SKAP2: variants seen among roughly 807,000 people sequenced by gnomAD.
The protein encoded by SKAP2 is src kinase associated phosphoprotein 2.
In SKAP2, 28 loss-of-function variants were observed where a neutral mutation model predicts 54.9. The observed-to-expected ratio is 0.51, with a 90% CI of 0.38 to 0.70. SKAP2 has a LOEUF of 0.70. SKAP2 is among the 30% of genes least tolerant of loss of function. The pLI is 0.00. For synonymous variants in SKAP2, 137 were observed against 134.3 expected (o/e 1.02, Z -0.14); for missense variants, 356 against 424.1 (o/e 0.84, Z 1.41).
chr7:26,718,682 T>A (rs988144377), intron 9 of SKAP2, among the ~76,000 whole-genome samples: 1 of 151,950 alleles, frequency 6.6e-6, no homozygotes, highest in Admixed American at 6.5e-5. Flanking sequence ...ATTTTTGTAT[T>A]TTTAGTAGAG....
intron 4 of SKAP2, among the ~76,000 whole-genome samples, chr7:26,835,131 G>A (rs534103160): frequency 7.1e-4 from 108 of 152,198 alleles, no homozygotes; most frequent in African/African-American, 2.6e-3. Flanking sequence ...AAAGGCCTTC[G>A]ATAAAATTCA....
intron 3 of SKAP2, 113 bp downstream of exon 3, chr7:26,854,024 C>T (rs1785105903): frequency 5.7e-6 from 4 of 705,402 alleles, no homozygotes; most frequent in African/African-American, 1.9e-5. Flanking sequence ...GTACACATTA[C>T]GGAAATCTAA....
intron 3 of SKAP2, among the ~76,000 whole-genome samples, chr7:26,846,648 G>C (rs923547138): frequency 5.3e-5 from 8 of 152,138 alleles, no homozygotes; most frequent in Non-Finnish European, 8.8e-5. Flanking sequence ...TGAAAGTCAT[G>C]GTTTTGACTT....
At chr7:26,784,968 G>C (rs1333673046) in intron 4 of SKAP2, among the ~76,000 whole-genome samples, 1 of 152,164 alleles carries the variant, frequency 6.6e-6, no homozygotes, top group Non-Finnish European at 1.5e-5. Context: ...TAAGATCTAA[G>C]TGGTGGATAA....
intron 9 of SKAP2, among the ~76,000 whole-genome samples, chr7:26,713,982 G>T (rs1357292145): frequency 6.6e-6 from 1 of 152,200 alleles, no homozygotes; most frequent in Non-Finnish European, 1.5e-5. Context: ...CAAGACAAAA[G>T]CGGTGGTAAG....
intron 1 of SKAP2, among the ~76,000 whole-genome samples, chr7:26,859,383 C>T (rs10280476): frequency 0.039 from 5,898 of 152,054 alleles, 366 homozygotes; most frequent in African/African-American, 0.13. Flanking sequence ...ATCAACAGAG[C>T]CAAATGCCCA....
At chr7:26,799,113 G>GGC (rs1783851049) in intron 4 of SKAP2, among the ~76,000 whole-genome samples, 3 of 141,432 alleles carry the variant, frequency 2.1e-5, no homozygotes, top group Non-Finnish European at 4.8e-5. Context: ...GGCAAGGCAA[G>GGC]ACAAGGCAAG....
intron 6 of SKAP2, among the ~76,000 whole-genome samples, chr7:26,733,664 T>G (rs1415761755): frequency 1.3e-5 from 2 of 152,124 alleles, no homozygotes; most frequent in Non-Finnish European, 2.9e-5. Flanking sequence ...GGGAGGTAAA[T>G]TTCAATGAAA....
At chr7:26,801,639 G>C (rs1221949672) in intron 4 of SKAP2, among the ~76,000 whole-genome samples, 1 of 152,118 alleles carries the variant, frequency 6.6e-6, no homozygotes, top group Non-Finnish European at 1.5e-5. Flanking sequence ...TACTAGAACT[G>C]AGAAACAAAT....
At chr7:26,706,601 GTTTC>G (rs1309471709) in intron 9 of SKAP2, among the ~76,000 whole-genome samples, 2 of 152,144 alleles carry the variant, frequency 1.3e-5, no homozygotes, top group Non-Finnish European at 1.5e-5. Context: ...CAGATGACAA[GTTTC>G]TTTGAGATGA....
At chr7:26,769,671 C>G (rs1431165632) in intron 4 of SKAP2, among the ~76,000 whole-genome samples, 2 of 152,090 alleles carry the variant, frequency 1.3e-5, no homozygotes, top group African/African-American at 4.8e-5. Flanking sequence ...ATGTTGAAGC[C>G]ATTGCTTTCT....
chr7:26,849,396 GT>G (rs1354241733), intron 3 of SKAP2, among the ~76,000 whole-genome samples: 3 of 151,842 alleles, frequency 2.0e-5, no homozygotes, highest in Non-Finnish European at 4.4e-5. Flanking sequence ...TTTCAAAACT[GT>G]AGACACTAGG....
intron 11 of SKAP2, among the ~76,000 whole-genome samples, chr7:26,681,707 T>A (rs1237939884): frequency 6.6e-6 from 1 of 152,180 alleles, no homozygotes; most frequent in East Asian, 1.9e-4. Flanking sequence ...TTTTAAATGG[T>A]CTTATTTATT....
At chr7:26,797,306 G>A (rs958822384) in intron 4 of SKAP2, among the ~76,000 whole-genome samples, 3 of 152,318 alleles carry the variant, frequency 2.0e-5, no homozygotes, top group South Asian at 2.1e-4. Context: ...AGTGGTGGCC[G>A]CCACGGGGGT....
rs1393036763 is a variant in SKAP2 at position 26,668,611 on chromosome 7, T to C, written c.*1055A>G. The C allele has an allele frequency of 6.6e-6, 1 of 151,304 alleles. No homozygotes were observed. The highest frequency in any genetic ancestry group is 2.4e-5 in the African/African-American group (1 of 41,186). 9.4% of individuals were successfully genotyped at this position (151,304 alleles called of 1,614,324 possible). Reference sequence around the variant, plus strand: ...TAAATAGTATAGCAATAAGGCAAGATAAGAGAGTGCTTGGTTATGCCTTTT... The same window carrying C: ...TAAATAGTATAGCAATAAGGCAAGACAAGAGAGTGCTTGGTTATGCCTTTT... On this transcript the variant is annotated 3_prime_UTR_variant, in exon 13 of 13. Transcript: ENST00000345317.
chr7:26,743,490 A>C (rs1782499120), intron 4 of SKAP2, among the ~76,000 whole-genome samples: 1 of 152,166 alleles, frequency 6.6e-6, no homozygotes, highest in African/African-American at 2.4e-5. Context: ...AAAGTGGTTA[A>C]TGAAAAAAGT....
At chr7:26,684,695 T>C (rs1584329227) in intron 11 of SKAP2, 41 bp downstream of exon 11, 1 of 1,272,158 alleles carries the variant, frequency 7.9e-7, no homozygotes, top group South Asian at 1.2e-5. Flanking sequence ...TCGAGCTTTG[T>C]ATTCCCTCTT....
At chr7:26,709,769 T>C (rs1277916659) in intron 9 of SKAP2, among the ~76,000 whole-genome samples, 1 of 152,178 alleles carries the variant, frequency 6.6e-6, no homozygotes, top group African/African-American at 2.4e-5. Context: ...GAATGTCATT[T>C]CCTGGGAAAT....
intron 1 of SKAP2, among the ~76,000 whole-genome samples, chr7:26,861,614 T>C (rs1434039624): frequency 3.5e-5 from 4 of 115,636 alleles, no homozygotes; most frequent in South Asian, 2.7e-4. Context: ...AATAACAACC[T>C]CTTTTTTTTT....
Sources: allele counts gnomAD v4.1 joint callset (sites outside exome capture counted in the v4.1 genomes callset), GRCh38; gene constraint gnomAD v4.1.1; transcripts MANE v1.5; gene names NCBI Gene and HGNC (gene_info 2026-07-23, HGNC 2026-07-21).